CCDC88A: variants seen among roughly 807,000 people sequenced by gnomAD.
CCDC88A encodes girdin.
In CCDC88A, 54 loss-of-function variants were observed where a neutral mutation model predicts 234.3. That is an observed-to-expected ratio of 0.23 (90% CI 0.19 to 0.29). The LOEUF is 0.29. Ranked by LOEUF, CCDC88A falls within the 10% of genes least tolerant of loss-of-function variation. The pLI, the probability that CCDC88A is intolerant of heterozygous loss-of-function variation, is 1.00. For synonymous variants in CCDC88A, 753 were observed against 737.8 expected, an observed-to-expected ratio of 1.02 and a Z score of -0.33; for missense variants, 1,832 against 2,123.4, an observed-to-expected ratio of 0.86 and a Z score of 2.70.
At chr2:55,372,793 T>C (rs1043686068) in intron 4 of CCDC88A, among the ~76,000 whole-genome samples, 37 of 152,334 alleles carry the variant, frequency 2.4e-4, no homozygotes, top group African/African-American at 8.9e-4. Flanking sequence ...TTTCCATAAA[T>C]GATTGTACTA....
chr2:55,373,707 A>G (rs1217983092), intron 4 of CCDC88A, among the ~76,000 whole-genome samples: 1 of 151,900 alleles, frequency 6.6e-6, no homozygotes, highest in African/African-American at 2.4e-5. Context: ...AATTTTTTTC[A>G]TTTTTAAATT....
In CCDC88A at chr2:55,307,359, ATTTTTTT is replaced by A. The variant is rs58399854; in HGVS notation, c.4387+1443_4387+1449del. 8.2e-3 allele frequency among the ~76,000 whole-genome samples: 1,150 copies of A among 140,546 alleles called. 3 individuals are homozygous for A. Among genetic ancestry groups the A allele is most frequent in the Middle Eastern group, 0.022 (6 of 270 alleles). The allele number at this position is 140,546 out of a possible 152,430, so 92.2% of individuals were successfully genotyped here. On this transcript the variant is annotated intron_variant, in intron 25 of 32. Transcript: ENST00000436346. ...AAACAAATATGTATCTCTTCACCTA[ATTTTTTT>A]TTTTTTTTTTGAGAGAGAGTTTCAC...
chr2:55,375,311 T>C (rs1673452954), intron 3 of CCDC88A, among the ~76,000 whole-genome samples: 1 of 151,938 alleles, frequency 6.6e-6, no homozygotes, highest in Non-Finnish European at 1.5e-5. Context: ...TCTGAAGTTT[T>C]AGGTGCTAGA....
chr2:55,293,116 A>G (rs1486044075), intron 31 of CCDC88A, among the ~76,000 whole-genome samples: 4 of 151,978 alleles, frequency 2.6e-5, no homozygotes, highest in Non-Finnish European at 5.9e-5. Flanking sequence ...TAATTTTAAT[A>G]TAATAGCATG....
At chr2:55,296,184 A>AAAT in intron 30 of CCDC88A, 74 bp downstream of exon 30, 1 of 1,472,380 alleles carries the variant, frequency 6.8e-7, no homozygotes, top group Non-Finnish European at 9.1e-7. Context: ...AAAAAAAAAA[A>AAAT]GCTCTGAAGT....
chr2:55,364,189 A>C (rs1377846359), intron 5 of CCDC88A, 156 bp from the exon 6 acceptor site: 5 of 463,386 alleles, frequency 1.1e-5, no homozygotes, highest in Non-Finnish European at 1.9e-5. Context: ...TACCTAATAA[A>C]CAACAATTTA....
chr2:55,385,611 G>T (rs1035478804), intron 3 of CCDC88A, among the ~76,000 whole-genome samples: 1 of 151,476 alleles, frequency 6.6e-6, no homozygotes, highest in African/African-American at 2.4e-5. Flanking sequence ...TCAGCACTTT[G>T]GAAGGCTGAG....
At chr2:55,298,016 G>A (rs1426271491) in intron 29 of CCDC88A, among the ~76,000 whole-genome samples, 1 of 152,084 alleles carries the variant, frequency 6.6e-6, no homozygotes, top group African/African-American at 2.4e-5. Flanking sequence ...GTCCACTGTT[G>A]ATATGGTGCC....
intron 2 of CCDC88A, among the ~76,000 whole-genome samples, chr2:55,403,153 C>T (rs1679000119): frequency 6.6e-6 from 1 of 152,158 alleles, no homozygotes; most frequent in Non-Finnish European, 1.5e-5. Flanking sequence ...CCTGAAGTGA[C>T]AGGCTCACTT....
chr2:55,295,655 C>A lies in CCDC88A; in HGVS notation c.5493G>T (p.Leu1831=), dbSNP rs759324269. Residue 1831 remains leucine, a synonymous_variant, in exon 31 of 33, where the codon CTG becomes CTT. Coordinates refer to ENST00000436346, the MANE Select transcript of CCDC88A (RefSeq NM_001365480.1). ...CTGGTGGTGAATCAACTGATATAGGCAGTCTACTGTCCTTGGTCAAAAAAT... is the reference window on the plus strand; with the variant it reads ...CTGGTGGTGAATCAACTGATATAGGAAGTCTACTGTCCTTGGTCAAAAAAT... ...IHDFLTKDSR[L]PISVDSPPAA... 6.2e-7 allele frequency: 1 copy of A among 1,614,200 alleles called. No homozygotes were observed. The highest frequency in any genetic ancestry group is 2.2e-5 in the East Asian group (1 of 44,892).
chr2:55,351,585 A>G (rs1457570441), intron 8 of CCDC88A, among the ~76,000 whole-genome samples: 3 of 152,180 alleles, frequency 2.0e-5, no homozygotes, highest in Non-Finnish European at 2.9e-5. Context: ...AGCTCAAGCA[A>G]TCCTCTTGCC....
At chr2:55,384,398 G>C (rs2104869179) in intron 3 of CCDC88A, among the ~76,000 whole-genome samples, 1 of 149,024 alleles carries the variant, frequency 6.7e-6, no homozygotes, top group East Asian at 1.9e-4. Context: ...CTAGAACTAT[G>C]TCTATATTAT....
rs551876521 is a variant in CCDC88A at position 55,332,895 on chromosome 2, C to A, written c.2728-202G>T. Among the ~76,000 whole-genome samples the A allele has an allele frequency of 6.6e-6, 1 of 152,120 alleles. No individual in the cohort carries two copies. Among genetic ancestry groups the A allele is most frequent in the East Asian group, 1.9e-4 (1 of 5,186 alleles). ...ACTTTTTTCCTTTTTTTTGCTAATA[C>A]TTTAAACAAAACCTTAAAAGGGAGT... On this transcript the variant is annotated intron_variant, in intron 15 of 32. Coordinates refer to ENST00000436346, the MANE Select transcript of CCDC88A (RefSeq NM_001365480.1). This position sits in a 1 kb window ranked among gnomAD's most constrained non-coding sequence, Gnocchi z 4.5.
intron 14 of CCDC88A, among the ~76,000 whole-genome samples, chr2:55,336,018 C>T (rs745329264): frequency 1.3e-4 from 20 of 151,904 alleles, no homozygotes; most frequent in Non-Finnish European, 2.5e-4. Context: ...CATAGTGATA[C>T]TTTGTCTCTA....
intron 28 of CCDC88A, chr2:55,300,886 G>T: frequency 4.6e-6 from 1 of 215,116 alleles, no homozygotes; most frequent in Non-Finnish European, 9.0e-6. Context: ...ATTTTAAATT[G>T]GCATTTTAAA....
At chr2:55,411,853 T>TATATTCTA (rs1680554961) in intron 2 of CCDC88A, among the ~76,000 whole-genome samples, 1 of 150,786 alleles carries the variant, frequency 6.6e-6, no homozygotes, top group Non-Finnish European at 1.5e-5. Flanking sequence ...GAAAGCACTG[T>TATATTCTA]ATATTCTAAT....
intron 2 of CCDC88A, among the ~76,000 whole-genome samples, chr2:55,400,661 C>T (rs1202146873): frequency 6.6e-6 from 1 of 152,172 alleles, no homozygotes; most frequent in Non-Finnish European, 1.5e-5. Context: ...CTTGTATGAT[C>T]AAGGATTATA....
intron 19 of CCDC88A, among the ~76,000 whole-genome samples, chr2:55,318,395 T>C (rs1024947331): frequency 6.6e-6 from 1 of 151,662 alleles, no homozygotes; most frequent in Non-Finnish European, 1.5e-5. Flanking sequence ...TTTCCCCACC[T>C]GATTGTTCTG....
intron 32 of CCDC88A, 125 bp downstream of exon 32, chr2:55,291,551 A>G: frequency 2.3e-6 from 1 of 442,992 alleles, no homozygotes; most frequent in Non-Finnish European, 4.0e-6. Flanking sequence ...AGTAGAACAG[A>G]AAGTCAATGA....
Sources: allele counts gnomAD v4.1 joint callset (sites outside exome capture counted in the v4.1 genomes callset), GRCh38; gene constraint gnomAD v4.1.1; non-coding constraint Gnocchi (gnomAD v3.1); transcripts MANE v1.5; gene names NCBI Gene and HGNC (gene_info 2026-07-23, HGNC 2026-07-21).